Variants in SNTG2 observed in about 807,000 individuals in gnomAD.
SNTG2 encodes syntrophin gamma 2, also known as gamma-2-syntrophin.
In SNTG2, 74 loss-of-function variants were observed where a neutral mutation model predicts 70.9. The observed-to-expected ratio is 1.04, with a 90% CI of 0.86 to 1.27. The LOEUF is 1.27. Ranked by LOEUF, SNTG2 falls within the 50% of genes most tolerant of loss-of-function variation. The pLI is 0.00. For missense variants in SNTG2, 717 were observed against 690.7 expected, an observed-to-expected ratio of 1.04 and a Z score of -0.43; for synonymous variants, 278 against 273.8, an observed-to-expected ratio of 1.02 and a Z score of -0.15.
intron 6 of SNTG2, among the ~76,000 whole-genome samples, chr2:1,140,194 G>GA (rs1156781860): frequency 6.6e-6 from 1 of 152,168 alleles, no homozygotes; most frequent in African/African-American, 2.4e-5. Flanking sequence ...TCCACAAAGT[G>GA]AATCTTATTC....
At chr2:980,527 G>A (rs138061282) in intron 1 of SNTG2, among the ~76,000 whole-genome samples, 2 of 152,144 alleles carry the variant, frequency 1.3e-5, no homozygotes, top group Admixed American at 1.3e-4. Context: ...AAATTTAAGA[G>A]ACAGTGAACT....
At chr2:1,338,695 T>G (rs933058338) in intron 16 of SNTG2, among the ~76,000 whole-genome samples, 4 of 152,224 alleles carry the variant, frequency 2.6e-5, no homozygotes, top group African/African-American at 4.8e-5. Flanking sequence ...TGTTGGAATA[T>G]GTACCAGAAC....
chr2:1,103,389 T>TTTC, intron 4 of SNTG2: 2 of 293,636 alleles, frequency 6.8e-6, no homozygotes, highest in South Asian at 3.2e-5. Context: ...CTTTTTTTTT[T>TTTC]TATTTTTTTT....
At chr2:991,818 T>G (rs1203998206) in intron 1 of SNTG2, among the ~76,000 whole-genome samples, 1 of 152,182 alleles carries the variant, frequency 6.6e-6, no homozygotes, top group Non-Finnish European at 1.5e-5. Flanking sequence ...CGGTTCATTG[T>G]AATTATCAAT....
At chr2:1,039,404 A>G (rs1286457830) in intron 1 of SNTG2, among the ~76,000 whole-genome samples, 1 of 152,200 alleles carries the variant, frequency 6.6e-6, no homozygotes, top group East Asian at 1.9e-4. Flanking sequence ...AGATTATTCA[A>G]ATGTTATGCC....
chr2:1,244,054 G>T (rs1677234257), intron 11 of SNTG2, among the ~76,000 whole-genome samples: 1 of 152,192 alleles, frequency 6.6e-6, no homozygotes, highest in Non-Finnish European at 1.5e-5. Context: ...GGGGTGGCTG[G>T]GGAAGTGGAG....
At chr2:1,162,360 A>G (rs142933018) in intron 6 of SNTG2, among the ~76,000 whole-genome samples, 75 of 152,330 alleles carry the variant, frequency 4.9e-4, no homozygotes, top group Non-Finnish European at 8.1e-4. Context: ...CGACAGACTC[A>G]CATACGGAAG....
At chr2:1,112,314 G>A (rs1450762462) in intron 4 of SNTG2, among the ~76,000 whole-genome samples, 2 of 151,650 alleles carry the variant, frequency 1.3e-5, no homozygotes, top group Non-Finnish European at 2.9e-5. Context: ...AGGATCCTGT[G>A]TACTAAGTGA....
chr2:994,270 CTT>C (rs978584189), intron 1 of SNTG2, among the ~76,000 whole-genome samples: 3 of 152,032 alleles, frequency 2.0e-5, no homozygotes, highest in Admixed American at 2.0e-4. Flanking sequence ...TTCTTCTCTC[CTT>C]TGAATTGTCC....
chr2:1,293,077 TTGTG>T (rs1051395880), intron 14 of SNTG2, among the ~76,000 whole-genome samples: 1 of 152,188 alleles, frequency 6.6e-6, no homozygotes, highest in Non-Finnish European at 1.5e-5. Context: ...TTTTGATAAA[TTGTG>T]TGTGTCACAC....
At chr2:1,038,078 C>T (rs918558050) in intron 1 of SNTG2, among the ~76,000 whole-genome samples, 1 of 152,196 alleles carries the variant, frequency 6.6e-6, no homozygotes, top group African/African-American at 2.4e-5. Context: ...AAAGTTCCCT[C>T]ACGTCTGAGC....
chr2:1,276,856 T>G (rs1201288536), intron 14 of SNTG2, among the ~76,000 whole-genome samples: 1 of 152,224 alleles, frequency 6.6e-6, no homozygotes, highest in South Asian at 2.1e-4. Flanking sequence ...AGTATCAACA[T>G]TAGCAGGAGT....
intron 1 of SNTG2, among the ~76,000 whole-genome samples, chr2:1,021,936 C>CCTT (rs1553309688): frequency 8.3e-6 from 1 of 121,142 alleles, no homozygotes; most frequent in Admixed American, 9.1e-5. Flanking sequence ...GTTTTATGTG[C>CCTT]TTTTTTTTTT....
At chr2:1,075,502 C>T (rs1036129626) in intron 1 of SNTG2, among the ~76,000 whole-genome samples, 1 of 152,206 alleles carries the variant, frequency 6.6e-6, no homozygotes, top group Admixed American at 6.5e-5. Flanking sequence ...TCATTGTTCA[C>T]TGAAAGAAAA....
intron 2 of SNTG2, among the ~76,000 whole-genome samples, chr2:1,085,122 G>A (rs1301739160): frequency 1.3e-5 from 2 of 152,004 alleles, no homozygotes; most frequent in African/African-American, 2.4e-5. Flanking sequence ...CTTTTATGTC[G>A]TCTAATCACT....
At chr2:967,949 C>T (rs1320932007) in intron 1 of SNTG2, among the ~76,000 whole-genome samples, 2 of 151,966 alleles carry the variant, frequency 1.3e-5, no homozygotes, top group Non-Finnish European at 2.9e-5. Flanking sequence ...TGCTTGAACC[C>T]AGGAGACGGA....
At chr2:982,071 T>C (rs1252507928) in intron 1 of SNTG2, among the ~76,000 whole-genome samples, 1 of 152,244 alleles carries the variant, frequency 6.6e-6, no homozygotes, top group Non-Finnish European at 1.5e-5. Flanking sequence ...CCCACACACA[T>C]GCATCTCCAG....
chr2:1,041,766 G>C (rs1043897300), intron 1 of SNTG2, among the ~76,000 whole-genome samples: 4 of 152,148 alleles, frequency 2.6e-5, no homozygotes, highest in African/African-American at 9.7e-5. Context: ...CTGTGGGCTG[G>C]TTAACTTCTT....
chr2:954,235 A>G (rs1216351321), intron 1 of SNTG2, among the ~76,000 whole-genome samples: 1 of 152,168 alleles, frequency 6.6e-6, no homozygotes, highest in Non-Finnish European at 1.5e-5. Context: ...TCAGGGTTCC[A>G]GGGAACTCAG....
Sources: gnomAD v4.1 joint callset for allele counts (sites outside exome capture counted in the v4.1 genomes callset) on GRCh38, gnomAD v4.1.1 for gene constraint, MANE v1.5 for transcripts, NCBI Gene and HGNC (gene_info 2026-07-23, HGNC 2026-07-21) for gene names.